CDC14A: variants seen among roughly 807,000 people sequenced by gnomAD.
CDC14A encodes cell division cycle 14A, also known as dual specificity protein phosphatase CDC14A.
A neutral mutation model predicts 74.4 loss-of-function variants in CDC14A; 53 were observed. The ratio of observed to expected loss-of-function variants is 0.71; its 90% CI spans 0.57 to 0.89. The LOEUF (loss-of-function observed/expected upper bound fraction) is 0.89, where lower values mean the gene tolerates loss of function less well. Ranked by LOEUF, CDC14A falls within the 40% of genes least tolerant of loss-of-function variation. The pLI is 0.00. For missense variants in CDC14A, 646 were observed against 713.7 expected (o/e 0.91, Z 1.08); for synonymous variants, 247 against 258.4 (o/e 0.96, Z 0.43).
chr1:100,480,194 T>C (rs1323628991), intron 10 of CDC14A, among the ~76,000 whole-genome samples: 1 of 152,204 alleles, frequency 6.6e-6, no homozygotes, highest in Non-Finnish European at 1.5e-5. Flanking sequence ...CTATTCTACT[T>C]TCTGACATTA....
intron 7 of CDC14A, among the ~76,000 whole-genome samples, chr1:100,455,127 C>T (rs1373239256): frequency 6.6e-6 from 1 of 152,072 alleles, no homozygotes; most frequent in African/African-American, 2.4e-5. Flanking sequence ...CATTTCTTTG[C>T]AGTGGCCAGG....
At position 100,441,674 on chromosome 1, in the gene CDC14A, A is replaced by T. The variant is rs115760229; in HGVS notation, c.457-1260A>T. Among the ~76,000 whole-genome samples the T allele has an allele frequency of 3.5e-3, 510 of 147,656 alleles. 6 individuals carry two copies. The highest frequency in any genetic ancestry group is 0.012 in the African/African-American group (481 of 40,086). ...AGTTTTTTTTTTTTTTTTAGAATGG[A>T]CTAATTTAAATAATTTGTTCTGCTT... On this transcript the variant is annotated intron_variant, in intron 6 of 15. Transcript: ENST00000336454.
Position 100,443,010 on chromosome 1 carries a change from A to T in CDC14A, c.519+14A>T. Reference sequence around the variant, plus strand: ...GAACATTATGAGGTTTGTACATTTAATTTTTTTTACAAAACATAATTTCAT... The same window carrying T: ...GAACATTATGAGGTTTGTACATTTATTTTTTTTTACAAAACATAATTTCAT... On this transcript the variant is annotated intron_variant, in intron 7 of 15. Coordinates refer to ENST00000336454, the MANE Select transcript of CDC14A (RefSeq NM_003672.4). 3 of 1,521,788 alleles carry T rather than the reference A, an allele frequency of 2.0e-6. No homozygotes were observed. Among genetic ancestry groups the T allele is most frequent in the South Asian group, 1.1e-5 (1 of 87,584 alleles). The allele number at this position is 1,521,788 out of a possible 1,614,324, so 94.3% of individuals were successfully genotyped here.
At chr1:100,395,776 C>T (rs973130691) in intron 4 of CDC14A, among the ~76,000 whole-genome samples, 1 of 152,206 alleles carries the variant, frequency 6.6e-6, no homozygotes, top group Admixed American at 6.5e-5. Flanking sequence ...ATCTGACCCT[C>T]TCTACCTCTG....
At chr1:100,450,511 C>T (rs938589572) in intron 7 of CDC14A, among the ~76,000 whole-genome samples, 14 of 152,118 alleles carry the variant, frequency 9.2e-5, no homozygotes, top group Admixed American at 6.5e-5. Flanking sequence ...TATGGAAGTA[C>T]GCCTCCTGTG....
At chr1:100,490,564 C>T (rs767972686) in intron 11 of CDC14A, among the ~76,000 whole-genome samples, 2 of 152,142 alleles carry the variant, frequency 1.3e-5, no homozygotes, top group Admixed American at 6.5e-5. Flanking sequence ...TGTGGTTTCC[C>T]GTACCCTAAT....
intron 5 of CDC14A, among the ~76,000 whole-genome samples, chr1:100,435,618 CAGG>C (rs1351963791): frequency 7.9e-5 from 12 of 151,968 alleles, no homozygotes; most frequent in African/African-American, 2.9e-4. Context: ...CGCCTGAGGT[CAGG>C]AGTTCGAGAC....
At chr1:100,358,295 CT>C (rs1652202712) in intron 2 of CDC14A, among the ~76,000 whole-genome samples, 1 of 152,192 alleles carries the variant, frequency 6.6e-6, no homozygotes. Context: ...CAAACAGGCG[CT>C]TACTTTTAAT....
At chr1:100,500,292 C>T (rs1648549991) in intron 15 of CDC14A, among the ~76,000 whole-genome samples, 1 of 152,150 alleles carries the variant, frequency 6.6e-6, no homozygotes, top group African/African-American at 2.4e-5. Flanking sequence ...TTCACACTTG[C>T]TATTCTTGAA....
At chr1:100,396,427 A>G (rs1658496828) in intron 4 of CDC14A, among the ~76,000 whole-genome samples, 1 of 152,212 alleles carries the variant, frequency 6.6e-6, no homozygotes, top group African/African-American at 2.4e-5. Context: ...TGAATGAATA[A>G]TGGGATGACA....
chr1:100,471,425 T>G (rs1340532981), intron 10 of CDC14A, among the ~76,000 whole-genome samples: 1 of 152,114 alleles, frequency 6.6e-6, no homozygotes, highest in African/African-American at 2.4e-5. Context: ...AATTATACCA[T>G]TTACAATGTA....
intron 1 of CDC14A, among the ~76,000 whole-genome samples, chr1:100,345,953 A>G (rs1222422302): frequency 1.3e-5 from 2 of 152,054 alleles, no homozygotes; most frequent in Non-Finnish European, 2.9e-5. Flanking sequence ...TGGGCAGATC[A>G]TGAGGTCAGG....
intron 2 of CDC14A, among the ~76,000 whole-genome samples, chr1:100,361,311 G>A (rs1215795782): frequency 3.3e-5 from 5 of 152,152 alleles, no homozygotes; most frequent in African/African-American, 1.2e-4. Context: ...ATATGTATTT[G>A]TAAAGAAGGA....
intron 4 of CDC14A, among the ~76,000 whole-genome samples, chr1:100,412,723 T>TATATATATATATATATA: frequency 1.2e-5 from 1 of 83,722 alleles, no homozygotes; most frequent in African/African-American, 1.0e-4. Flanking sequence ...TATATATATA[T>TATATATATATATATATA]TTTATATATA....
intron 7 of CDC14A, among the ~76,000 whole-genome samples, chr1:100,452,945 C>T (rs1666296389): frequency 6.6e-6 from 1 of 152,074 alleles, no homozygotes; most frequent in South Asian, 2.1e-4. Context: ...TAAACATTGA[C>T]ATTTGTATAA....
At chr1:100,401,500 T>C (rs1046765932) in intron 4 of CDC14A, among the ~76,000 whole-genome samples, 1 of 152,228 alleles carries the variant, frequency 6.6e-6, no homozygotes, top group African/African-American at 2.4e-5. Context: ...CATTAACTAA[T>C]TTTCTTAAAG....
At chr1:100,442,263 C>T (rs1419612755) in intron 6 of CDC14A, among the ~76,000 whole-genome samples, 2 of 145,344 alleles carry the variant, frequency 1.4e-5, no homozygotes, top group Non-Finnish European at 3.0e-5. Context: ...AAATAAGGGC[C>T]TATTAAGTAG....
intron 15 of CDC14A, among the ~76,000 whole-genome samples, chr1:100,506,347 A>C (rs11166464): frequency 1.3e-5 from 2 of 152,112 alleles, no homozygotes; most frequent in Non-Finnish European, 2.9e-5. Flanking sequence ...GATACTAACT[A>C]CATATCAAGA....
intron 7 of CDC14A, among the ~76,000 whole-genome samples, chr1:100,451,352 G>T (rs1271579513): frequency 3.9e-5 from 6 of 152,180 alleles, no homozygotes; most frequent in African/African-American, 1.4e-4. Context: ...GCTAGCAGAG[G>T]TGAAGCAGTC....
Sources: allele counts gnomAD v4.1 joint callset (sites outside exome capture counted in the v4.1 genomes callset), GRCh38; gene constraint gnomAD v4.1.1; transcripts MANE v1.5; gene names NCBI Gene and HGNC (gene_info 2026-07-23, HGNC 2026-07-21).